The following SLC25A12 variants were observed in gnomAD, a reference collection of about 807,000 sequenced individuals.
The protein encoded by SLC25A12 is electrogenic aspartate/glutamate antiporter SLC25A12, mitochondrial.
Under a neutral mutation model 83.3 loss-of-function variants are expected in SLC25A12, and 32 were observed. The ratio of observed to expected loss-of-function variants is 0.38; its 90% CI spans 0.29 to 0.52. SLC25A12 has a LOEUF of 0.52. Ranked by LOEUF, SLC25A12 falls within the 20% of genes least tolerant of loss-of-function variation. SLC25A12 has a pLI of 0.84. For synonymous variants in SLC25A12, 267 were observed against 291.1 expected, an observed-to-expected ratio of 0.92 and a Z score of 0.84; for missense variants, 611 against 835.6, an observed-to-expected ratio of 0.73 and a Z score of 3.31.
chr2:171,844,964 C>A lies in SLC25A12; in HGVS notation c.326-456G>T, dbSNP rs182549768. Among the ~76,000 whole-genome samples the A allele has an allele frequency of 2.4e-3, 360 of 152,230 alleles. 1 individual carries two copies. Among genetic ancestry groups the A allele is most frequent in the East Asian group, 7.7e-4 (4 of 5,182 alleles). On this transcript the variant is annotated intron_variant, in intron 4 of 17. Transcript: ENST00000422440. ...TTGAGGCTTGATTATTACATTCACA[C>A]TAGCCTGAATATGTCTATTGAAGAT...
intron 2 of SLC25A12, among the ~76,000 whole-genome samples, chr2:171,869,693 C>T (rs376193401): frequency 1.3e-5 from 2 of 152,104 alleles, no homozygotes; most frequent in South Asian, 4.1e-4. Context: ...GATGACCAAA[C>T]ATGAACAACC....
intron 5 of SLC25A12, among the ~76,000 whole-genome samples, chr2:171,843,795 C>CTTT (rs71013078): frequency 3.6e-4 from 42 of 117,276 alleles, no homozygotes; most frequent in East Asian, 1.6e-3. Flanking sequence ...AAAGAACTAG[C>CTTT]TTTTTTTTTT....
chr2:171,836,960 G>GCACACA (rs3836020), intron 6 of SLC25A12, among the ~76,000 whole-genome samples, 161 bp downstream of exon 6: 30 of 146,476 alleles, frequency 2.0e-4, no homozygotes, highest in African/African-American at 7.1e-4. Context: ...ACACACACAT[G>GCACACA]CACACACACA....
At chr2:171,891,859 TA>T (rs1254602687) in intron 2 of SLC25A12, among the ~76,000 whole-genome samples, 2 of 152,248 alleles carry the variant, frequency 1.3e-5, no homozygotes, top group Admixed American at 1.3e-4. Context: ...CCTTATCAGA[TA>T]TTATGACCTT....
At chr2:171,864,187 ACTGCCTAG>A (rs1685231061) in intron 3 of SLC25A12, among the ~76,000 whole-genome samples, 1 of 152,166 alleles carries the variant, frequency 6.6e-6, no homozygotes, top group African/African-American at 2.4e-5. Context: ...TAGACTACTT[ACTGCCTAG>A]TTTCTCAAAG....
At chr2:171,789,944 C>T (rs1001841264) in intron 15 of SLC25A12, among the ~76,000 whole-genome samples, 1 of 152,058 alleles carries the variant, frequency 6.6e-6, no homozygotes, top group East Asian at 1.9e-4. Context: ...GGGGCTGCTA[C>T]AAACAGCTCA....
intron 9 of SLC25A12, among the ~76,000 whole-genome samples, chr2:171,818,773 C>T (rs1684110800): frequency 6.6e-6 from 1 of 151,982 alleles, no homozygotes; most frequent in Middle Eastern, 3.4e-3. Flanking sequence ...GTCAAACCTG[C>T]CCAAACCACA....
chr2:171,888,435 T>TA (rs1042722887), intron 2 of SLC25A12, among the ~76,000 whole-genome samples: 1 of 151,468 alleles, frequency 6.6e-6, no homozygotes, highest in Admixed American at 6.6e-5. Flanking sequence ...TATATATATA[T>TA]TTTTTTAATT....
chr2:171,798,342 C>A (rs1003442568), intron 13 of SLC25A12, among the ~76,000 whole-genome samples: 8 of 152,196 alleles, frequency 5.3e-5, no homozygotes, highest in Admixed American at 2.0e-4. Flanking sequence ...AATCCTACCC[C>A]TGGGGCAAGG....
At chr2:171,834,210 T>C (rs1684507509) in intron 7 of SLC25A12, 154 bp from the exon 8 acceptor site, 9 of 598,770 alleles carry the variant, frequency 1.5e-5, no homozygotes, top group South Asian at 1.3e-4. Context: ...AGTTCAACTA[T>C]ACAAGAATAT....
intron 8 of SLC25A12, among the ~76,000 whole-genome samples, chr2:171,831,459 A>T (rs1684429645): frequency 6.6e-6 from 1 of 152,276 alleles, no homozygotes; most frequent in South Asian, 2.1e-4. Flanking sequence ...AAGGTTATGA[A>T]GAAAAGAAAT....
In SLC25A12 at chr2:171,805,362, C is replaced by T. The variant is rs770275723; in HGVS notation, c.1305+4244G>A. Among the ~76,000 whole-genome samples, 17 of 152,246 alleles carry T rather than the reference C, an allele frequency of 1.1e-4. 1 individual carries two copies. Among genetic ancestry groups the T allele is most frequent in the Admixed American group, 8.5e-4 (13 of 15,298 alleles). ...CTGACCTCAGGTGATCCACTTGCTT[C>T]GGCCTCCCAAAGTACTGGGATTACA... is the stretch of plus-strand genomic sequence containing the variant. On this transcript the variant is annotated intron_variant, in intron 13 of 17. Coordinates refer to ENST00000422440, the MANE Select transcript of SLC25A12 (RefSeq NM_003705.5).
At chr2:171,849,533 C>G (rs376421651) in intron 4 of SLC25A12, among the ~76,000 whole-genome samples, 1 of 148,276 alleles carries the variant, frequency 6.7e-6, no homozygotes, top group East Asian at 1.9e-4. Context: ...TTGTCTGTCA[C>G]GCAGGCTGAA....
chr2:171,881,142 C>CTTTCTTTTTTT (rs1553477525), intron 2 of SLC25A12, among the ~76,000 whole-genome samples: 1 of 151,844 alleles, frequency 6.6e-6, no homozygotes, highest in African/African-American at 2.4e-5. Flanking sequence ...CCCATATTTT[C>CTTTCTTTTTTT]TTTTTTTGTT....
At chr2:171,829,300 G>A (rs1389873891) in intron 8 of SLC25A12, among the ~76,000 whole-genome samples, 3 of 152,162 alleles carry the variant, frequency 2.0e-5, no homozygotes, top group Non-Finnish European at 4.4e-5. Flanking sequence ...AATCCCATAT[G>A]TGCAGGCCTT....
At chr2:171,871,898 G>A (rs1328288447) in intron 2 of SLC25A12, 1 of 123,246 alleles carries the variant, frequency 8.1e-6, no homozygotes, top group Admixed American at 1.1e-4. Context: ...CAGCTTGGGA[G>A]ACAGAGCAAG....
intron 3 of SLC25A12, among the ~76,000 whole-genome samples, chr2:171,866,587 G>C (rs752635742): frequency 7.1e-6 from 1 of 140,562 alleles, no homozygotes; most frequent in Admixed American, 7.2e-5. Flanking sequence ...CGGGCGGGGG[G>C]CTGACCCCCC....
At chr2:171,845,860 T>C (rs1166537240) in intron 4 of SLC25A12, 3 of 454,866 alleles carry the variant, frequency 6.6e-6, no homozygotes, top group African/African-American at 6.0e-5. Flanking sequence ...ATTTCTTCCC[T>C]AAGTAGGGAC....
intron 9 of SLC25A12, among the ~76,000 whole-genome samples, chr2:171,820,159 C>G (rs1454538749): frequency 2.0e-5 from 3 of 151,978 alleles, no homozygotes; most frequent in Non-Finnish European, 1.5e-5. Flanking sequence ...ATACTATGTA[C>G]AAAAAAACCC....
Sources: allele counts gnomAD v4.1 joint callset (sites outside exome capture counted in the v4.1 genomes callset), GRCh38; gene constraint gnomAD v4.1.1; transcripts MANE v1.5; gene names NCBI Gene and HGNC (gene_info 2026-07-23, HGNC 2026-07-21).